The following SEMA5A variants were observed in gnomAD, a reference collection of about 807,000 sequenced individuals.
The protein encoded by SEMA5A is semaphorin-5A.
SEMA5A carries 55 observed loss-of-function variants against 135.5 expected under a neutral mutation model. The observed-to-expected ratio is 0.41, with a 90% confidence interval of 0.33 to 0.51. SEMA5A has a LOEUF of 0.51. Among genes scored for constraint, SEMA5A ranks in the 20% least tolerant of loss-of-function variants. The pLI is 0.37. For synonymous variants in SEMA5A, 580 were observed against 546.5 expected, an observed-to-expected ratio of 1.06 and a Z score of -0.85; for missense variants, 1,290 against 1,419.9, an observed-to-expected ratio of 0.91 and a Z score of 1.47.
In SEMA5A at chr5:9,054,070, G is replaced by C; in HGVS notation, c.2689+17C>G. The C allele has an allele frequency of 1.3e-6, 2 of 1,595,962 alleles. No homozygotes were observed. Among genetic ancestry groups the C allele is most frequent in the Non-Finnish European group, 1.7e-6 (2 of 1,173,008 alleles). On this transcript the variant is annotated intron_variant, in intron 19 of 22. Coordinates refer to ENST00000382496, the MANE Select transcript of SEMA5A (RefSeq NM_003966.3). ...CAATTTGTCTGAAAGCTGTGCAGTA[G>C]GTGAGGTGCCGCTTACCTGGGCAGG...
chr5:9,094,422 T>C (rs1235393753), intron 16 of SEMA5A, among the ~76,000 whole-genome samples: 1 of 152,220 alleles, frequency 6.6e-6, no homozygotes, highest in East Asian at 1.9e-4. Context: ...GTTTCAGACG[T>C]CAAGGCCTTA....
intron 3 of SEMA5A, among the ~76,000 whole-genome samples, chr5:9,346,176 T>C (rs1355056228): frequency 6.6e-6 from 1 of 152,140 alleles, no homozygotes; most frequent in Admixed American, 6.5e-5. Flanking sequence ...GGCTGGATGT[T>C]GGAGAGAAGT....
chr5:9,459,555 C>A (rs149004680), intron 1 of SEMA5A, among the ~76,000 whole-genome samples: 11 of 152,190 alleles, frequency 7.2e-5, no homozygotes, highest in African/African-American at 2.7e-4. Context: ...TGAAGCAGAT[C>A]CTTCCCCAGC....
At chr5:9,125,295 A>T (rs1456947805) in intron 13 of SEMA5A, among the ~76,000 whole-genome samples, 1 of 152,172 alleles carries the variant, frequency 6.6e-6, no homozygotes, top group Non-Finnish European at 1.5e-5. Context: ...AAACGGACGG[A>T]ATGGAGCTGC....
At chr5:9,096,992 A>G (rs1579386126) in intron 16 of SEMA5A, among the ~76,000 whole-genome samples, 1 of 152,172 alleles carries the variant, frequency 6.6e-6, no homozygotes, top group Admixed American at 6.5e-5. Flanking sequence ...GAGAAGGTGG[A>G]TATATTAATT....
chr5:9,190,526 T>C, intron 10 of SEMA5A, 55 bp from the exon 11 acceptor site: 1 of 1,546,256 alleles, frequency 6.5e-7, no homozygotes, highest in Non-Finnish European at 8.9e-7. Context: ...CACCCACAGC[T>C]GGCTGTGGCC....
chr5:9,094,834 G>A (rs1739231906), intron 16 of SEMA5A, among the ~76,000 whole-genome samples: 1 of 152,148 alleles, frequency 6.6e-6, no homozygotes, highest in African/African-American at 2.4e-5. Flanking sequence ...ATAGTGTGTG[G>A]GATGTTACTT....
intron 13 of SEMA5A, among the ~76,000 whole-genome samples, chr5:9,133,805 G>A: frequency 7.1e-6 from 1 of 140,576 alleles, no homozygotes; most frequent in Non-Finnish European, 1.5e-5. Context: ...TTTTGAGACA[G>A]GTCTTGTTCT....
chr5:9,131,947 G>A (rs2127415), intron 13 of SEMA5A, among the ~76,000 whole-genome samples: 1 of 152,134 alleles, frequency 6.6e-6, no homozygotes, highest in Non-Finnish European at 1.5e-5. Flanking sequence ...AGATTCCTAA[G>A]ACTATGCTAC....
In SEMA5A at chr5:9,314,438, T is replaced by C. The variant is rs117273501; in HGVS notation, c.270+3934A>G. Among the ~76,000 whole-genome samples, 20 of 151,436 alleles carry C rather than the reference T, an allele frequency of 1.3e-4. No homozygotes were observed. In the East Asian group the frequency reaches 3.9e-3, roughly 30 times the overall value. ...CAATGATTCTATGCTGAAATTAAAA[T>C]ATTTTGGATATATTGAGGTAGTAAA... On this transcript the variant is annotated intron_variant, in intron 5 of 22. Coordinates refer to ENST00000382496, the MANE Select transcript of SEMA5A (RefSeq NM_003966.3).
At chr5:9,201,104 G>T (rs1292539801) in intron 9 of SEMA5A, among the ~76,000 whole-genome samples, 4 of 152,176 alleles carry the variant, frequency 2.6e-5, no homozygotes, top group African/African-American at 9.7e-5. Flanking sequence ...AGATTTCAAA[G>T]GTGATCCAAA....
Position 9,258,803 on chromosome 5 carries a change from CTTTTTTTT to C in SEMA5A, c.271-20921_271-20914del, listed in dbSNP as rs748703578. Among the ~76,000 whole-genome samples, 120 of 48,990 alleles carry C rather than the reference CTTTTTTTT, an allele frequency of 2.4e-3. 1 individual carries two copies. The Middle Eastern group carries it at 0.075, about 31-fold the overall frequency. 32.1% of individuals were successfully genotyped at this position (48,990 alleles called of 152,430 possible). ...ATTATTTGTCTTTTCTTCTTTCTTT[CTTTTTTTT>C]TTTTTTTTTTTTTTTTTCCCTGAGA... On this transcript the variant is annotated intron_variant, in intron 5 of 22. Coordinates refer to ENST00000382496, the MANE Select transcript of SEMA5A (RefSeq NM_003966.3).
rs780192520 is a variant in SEMA5A at position 9,136,560 on chromosome 5, T to C, written c.1543A>G (p.Ser515Gly). Reference sequence around the variant, plus strand: ...GTCATGCTCAGGCTCTCCTCCAGGCTTGTGCATTTCTTCATTACCACATCC... The same window carrying C: ...GTCATGCTCAGGCTCTCCTCCAGGCCTGTGCATTTCTTCATTACCACATCC... ...GWDVVMKKCT[S>G]LEESLSMTQW... The change falls in exon 13 of 23, where the codon AGC becomes GGC. Residue 515 changes from serine to glycine, a missense_variant. Around this residue, in one of 3 missense-constraint regions of SEMA5A, gnomAD observed 1,029 missense variants for 1,086.6 expected, o/e 0.95. Coordinates refer to ENST00000382496, the MANE Select transcript of SEMA5A (RefSeq NM_003966.3). 6.2e-7 allele frequency: 1 copy of C among 1,614,090 alleles called. No homozygotes were observed. Among genetic ancestry groups the C allele is most frequent in the African/African-American group, 1.3e-5 (1 of 74,940 alleles).
intron 2 of SEMA5A, among the ~76,000 whole-genome samples, chr5:9,387,428 GA>G: frequency 6.6e-6 from 1 of 152,172 alleles, no homozygotes; most frequent in South Asian, 2.1e-4. Context: ...GTCAAACAAA[GA>G]AAAAGCTCTT....
intron 4 of SEMA5A, among the ~76,000 whole-genome samples, chr5:9,332,993 C>G (rs1178482918): frequency 6.6e-6 from 1 of 152,102 alleles, no homozygotes; most frequent in Non-Finnish European, 1.5e-5. Flanking sequence ...ACTAAAATAC[C>G]ACAGTTTGTA....
chr5:9,111,388 T>C (rs1740230420), intron 15 of SEMA5A, among the ~76,000 whole-genome samples: 2 of 152,186 alleles, frequency 1.3e-5, no homozygotes, highest in African/African-American at 4.8e-5. Flanking sequence ...TGAGCTACCA[T>C]TTCCCCAAAG....
At chr5:9,464,625 T>G (rs1413818641) in intron 1 of SEMA5A, among the ~76,000 whole-genome samples, 1 of 152,204 alleles carries the variant, frequency 6.6e-6, no homozygotes, top group Non-Finnish European at 1.5e-5. Flanking sequence ...CATTTGAAAT[T>G]CCAAAGCCCC....
chr5:9,402,531 AG>A (rs1358715407), intron 2 of SEMA5A, among the ~76,000 whole-genome samples: 1 of 152,120 alleles, frequency 6.6e-6, no homozygotes, highest in African/African-American at 2.4e-5. Flanking sequence ...TTTGAGTGTT[AG>A]TGAGGTGAAA....
At chr5:9,354,736 A>C (rs1342933230) in intron 3 of SEMA5A, among the ~76,000 whole-genome samples, 1 of 152,182 alleles carries the variant, frequency 6.6e-6, no homozygotes, top group African/African-American at 2.4e-5. Flanking sequence ...ACTAAAACAG[A>C]GTAACTTTGT....
Sources: allele counts gnomAD v4.1 joint callset (sites outside exome capture counted in the v4.1 genomes callset), GRCh38; gene constraint gnomAD v4.1.1; regional missense constraint gnomAD v4.1.1; transcripts MANE v1.5; gene names NCBI Gene and HGNC (gene_info 2026-07-23, HGNC 2026-07-21).